LRRTM4: variants seen among roughly 807,000 people sequenced by gnomAD.
LRRTM4 encodes leucine rich repeat transmembrane neuronal 4, also known as leucine-rich repeat transmembrane neuronal protein 4.
A neutral mutation model predicts 47.6 loss-of-function variants in LRRTM4; 25 were observed. The observed-to-expected ratio is 0.53, with a 90% CI of 0.38 to 0.73. The LOEUF (loss-of-function observed/expected upper bound fraction) is 0.73. Ranked by LOEUF, LRRTM4 falls within the 30% of genes least tolerant of loss-of-function variation. LRRTM4 has a pLI of 0.00. For missense variants in LRRTM4, 638 were observed against 713.4 expected, an observed-to-expected ratio of 0.89 and a Z score of 1.20; for synonymous variants, 311 against 269.5, an observed-to-expected ratio of 1.15 and a Z score of -1.51.
intron 3 of LRRTM4, among the ~76,000 whole-genome samples, chr2:77,503,847 T>A (rs1678665038): frequency 6.6e-6 from 1 of 151,592 alleles, no homozygotes; most frequent in Non-Finnish European, 1.5e-5. Context: ...TATTGAGATA[T>A]CAAAGTAAAG....
At chr2:77,150,701 G>A (rs962291351) in intron 3 of LRRTM4, among the ~76,000 whole-genome samples, 1 of 152,146 alleles carries the variant, frequency 6.6e-6, no homozygotes, top group Admixed American at 6.5e-5. Flanking sequence ...TAAAAGAACA[G>A]CCTGGGTGGC....
intron 3 of LRRTM4, among the ~76,000 whole-genome samples, chr2:76,934,991 T>C (rs1034834490): frequency 4.0e-5 from 6 of 150,502 alleles, no homozygotes; most frequent in Non-Finnish European, 7.4e-5. Flanking sequence ...ATGACTTAGA[T>C]AGGAATTTTA....
chr2:76,997,809 C>A (rs1454446518), intron 3 of LRRTM4, among the ~76,000 whole-genome samples: 1 of 152,000 alleles, frequency 6.6e-6, no homozygotes, highest in African/African-American at 2.4e-5. Flanking sequence ...TACAGCTGCT[C>A]CCTATAGCTT....
intron 3 of LRRTM4, among the ~76,000 whole-genome samples, chr2:77,459,938 C>T (rs1676716600): frequency 6.7e-6 from 1 of 149,912 alleles, no homozygotes; most frequent in Non-Finnish European, 1.5e-5. Flanking sequence ...TGTTTAGACA[C>T]ATACTTCTTA....
intron 3 of LRRTM4, among the ~76,000 whole-genome samples, chr2:76,820,078 G>C (rs1671010523): frequency 6.6e-6 from 1 of 151,840 alleles, no homozygotes. Context: ...AATTTAAAAA[G>C]GAAACTACAT....
At chr2:76,778,581 G>A (rs1674166438) in intron 3 of LRRTM4, among the ~76,000 whole-genome samples, 2 of 151,992 alleles carry the variant, frequency 1.3e-5, no homozygotes, top group Non-Finnish European at 2.9e-5. Flanking sequence ...ATGGTAGTTT[G>A]TATTTCTGTG....
chr2:77,463,341 A>G lies in LRRTM4; in HGVS notation c.1551+54977T>C, dbSNP rs543661210. ...GTTATGTGGCACATGATTGTAAATAACAAAACCCTTTCTTTCAATGTCAAG... is the reference window on the plus strand; with the variant it reads ...GTTATGTGGCACATGATTGTAAATAGCAAAACCCTTTCTTTCAATGTCAAG... On this transcript the variant is annotated intron_variant, in intron 3 of 3. Coordinates refer to ENST00000409884, the MANE Select transcript of LRRTM4 (RefSeq NM_001134745.3). Among the ~76,000 whole-genome samples, 18 of 152,262 alleles carry G rather than the reference A, an allele frequency of 1.2e-4. 1 individual carries two copies. In the Middle Eastern group the frequency reaches 0.01, roughly 86 times the overall value.
chr2:77,206,163 G>C (rs1674119185), intron 3 of LRRTM4, among the ~76,000 whole-genome samples: 1 of 144,998 alleles, frequency 6.9e-6, no homozygotes, highest in Non-Finnish European at 1.5e-5. Flanking sequence ...CCAATACACT[G>C]TAATTTCAAA....
At chr2:77,255,763 CT>C (rs1345012168) in intron 3 of LRRTM4, among the ~76,000 whole-genome samples, 1 of 151,750 alleles carries the variant, frequency 6.6e-6, no homozygotes, top group Non-Finnish European at 1.5e-5. Flanking sequence ...TGGTTTGTAC[CT>C]CAAGCAATGA....
rs1364447907 is a variant in LRRTM4 at position 77,518,660 on chromosome 2, G to C, written c.1209C>G (p.Ser403Arg). Reference protein sequence around the residue: ...DVTQSTFETPSPSPGFQIPGA... With the variant: ...DVTQSTFETPRPSPGFQIPGA... ...CAGGAATCTGAAACCCTGGGGAAGG[G>C]CTTGGTGTTTCAAAGGTGGATTGGG... The change falls in exon 3 of 4, where the codon AGC (serine) becomes AGG (arginine). Residue 403 changes from serine to arginine, a missense_variant. Transcript: ENST00000409884. 2 of 1,613,452 alleles carry C rather than the reference G, an allele frequency of 1.2e-6. No individual in the cohort carries two copies. Among genetic ancestry groups the C allele is most frequent in the Non-Finnish European group, 1.7e-6 (2 of 1,179,626 alleles).
chr2:77,493,765 G>T (rs748921884), intron 3 of LRRTM4, among the ~76,000 whole-genome samples: 21 of 152,022 alleles, frequency 1.4e-4, no homozygotes, highest in Non-Finnish European at 2.9e-4. Context: ...TGACATCAAT[G>T]AAATAAGTAT....
At chr2:77,063,475 T>G (rs935006726) in intron 3 of LRRTM4, among the ~76,000 whole-genome samples, 1 of 152,162 alleles carries the variant, frequency 6.6e-6, no homozygotes, top group Non-Finnish European at 1.5e-5. Context: ...TGTTAAAGTT[T>G]TGGGAAGGAA....
intron 3 of LRRTM4, among the ~76,000 whole-genome samples, chr2:77,193,746 C>T (rs138145559): frequency 1.5e-4 from 23 of 152,170 alleles, no homozygotes; most frequent in African/African-American, 2.9e-4. Context: ...CATTGCACTC[C>T]GGCCTGGGCA....
chr2:77,260,642 C>A (rs1447787009), intron 3 of LRRTM4, among the ~76,000 whole-genome samples: 2 of 152,008 alleles, frequency 1.3e-5, no homozygotes, highest in African/African-American at 2.4e-5. Context: ...CACCAGCATG[C>A]AACAGCTAAT....
chr2:77,123,080 A>G (rs1671560563), intron 3 of LRRTM4, among the ~76,000 whole-genome samples: 1 of 151,916 alleles, frequency 6.6e-6, no homozygotes, highest in Non-Finnish European at 1.5e-5. Context: ...TTTTTTTTCT[A>G]ACACTGAATG....
At chr2:77,477,986 A>G (rs1245469980) in intron 3 of LRRTM4, among the ~76,000 whole-genome samples, 1 of 151,900 alleles carries the variant, frequency 6.6e-6, no homozygotes, top group Non-Finnish European at 1.5e-5. Flanking sequence ...AAAAAGCCAC[A>G]TGAGGCAATT....
At chr2:77,174,883 A>C (rs955382041) in intron 3 of LRRTM4, among the ~76,000 whole-genome samples, 1 of 151,292 alleles carries the variant, frequency 6.6e-6, no homozygotes, top group Non-Finnish European at 1.5e-5. Context: ...ACCTTTTAGG[A>C]GAGGCCACAG....
At chr2:77,037,288 C>A in intron 3 of LRRTM4, among the ~76,000 whole-genome samples, 1 of 151,718 alleles carries the variant, frequency 6.6e-6, no homozygotes, top group East Asian at 1.9e-4. Flanking sequence ...ATAACTTTTA[C>A]AAACCATGTT....
chr2:76,892,709 C>T (rs1032467306), intron 3 of LRRTM4, among the ~76,000 whole-genome samples: 3 of 151,304 alleles, frequency 2.0e-5, no homozygotes, highest in South Asian at 4.2e-4. Context: ...AAAAGTTGGG[C>T]GATTAATGTG....
Sources: allele counts gnomAD v4.1 joint callset (sites outside exome capture counted in the v4.1 genomes callset), GRCh38; gene constraint gnomAD v4.1.1; transcripts MANE v1.5; gene names NCBI Gene and HGNC (gene_info 2026-07-23, HGNC 2026-07-21).